The following RIN3 variants were observed in gnomAD, a reference collection of about 807,000 sequenced individuals.
RIN3 encodes RAB5 interacting protein 3.
Under a neutral mutation model 76.3 loss-of-function variants are expected in RIN3, and 54 were observed. The observed-to-expected ratio is 0.71, with a 90% confidence interval of 0.57 to 0.89. The LOEUF is 0.89. RIN3 is among the 40% of genes least tolerant of loss of function. RIN3 has a pLI of 0.00. For synonymous variants in RIN3, 576 were observed against 564.0 expected (o/e 1.02, Z -0.30); for missense variants, 1,256 against 1,322.1 (o/e 0.95, Z 0.78).
At chr14:92,542,985 G>A in intron 1 of RIN3, among the ~76,000 whole-genome samples, 1 of 152,172 alleles carries the variant, frequency 6.6e-6, no homozygotes, top group East Asian at 1.9e-4. Context: ...TTTCTTTGTG[G>A]GGTGATGAAT....
chr14:92,541,768 G>C (rs751961007), intron 1 of RIN3, among the ~76,000 whole-genome samples: 9 of 152,160 alleles, frequency 5.9e-5, no homozygotes, highest in Non-Finnish European at 1.0e-4. Flanking sequence ...AGCAACAAAA[G>C]AAAACCTGGA....
At position 92,656,437 on chromosome 14, in the gene RIN3, C is replaced by T. The variant is rs551528152; in HGVS notation, c.2027-2724C>T. ...GCTGCGGCGGGGCAAGGCCAGTACC[C>T]GGTGGCCTTCAGCAGAGCAAAGGAG... On this transcript the variant is annotated intron_variant, in intron 6 of 9. Coordinates refer to ENST00000216487, the MANE Select transcript of RIN3 (RefSeq NM_024832.5). The surrounding 1 kb of genome is among the most constrained non-coding windows in gnomAD (Gnocchi z 5.2). 1.4e-4 allele frequency among the ~76,000 whole-genome samples: 21 copies of T among 152,254 alleles called. No individual in the cohort carries two copies. The South Asian group carries it at 2.7e-3, about 20-fold the overall frequency.
intron 4 of RIN3, among the ~76,000 whole-genome samples, chr14:92,635,297 G>A (rs1178940680): frequency 6.6e-6 from 1 of 152,208 alleles, no homozygotes; most frequent in Non-Finnish European, 1.5e-5. Context: ...CACAGAGCAG[G>A]AGGGCACCAT....
intron 1 of RIN3, among the ~76,000 whole-genome samples, chr14:92,515,964 C>T (rs61977339): frequency 0.042 from 6,448 of 152,170 alleles, 183 homozygotes; most frequent in East Asian, 0.08. Flanking sequence ...GCTCTGTCTG[C>T]CCAGGGTCCA....
chr14:92,628,737 C>T lies in RIN3; in HGVS notation c.441-12501C>T, dbSNP rs779159774. Among the ~76,000 whole-genome samples the T allele has an allele frequency of 2.1e-4, 32 of 152,064 alleles. 1 individual carries two copies. The highest frequency in any genetic ancestry group is 4.4e-4 in the Non-Finnish European group (30 of 68,016). Reference sequence around the variant, plus strand: ...AAGAAGGTTTAAGTCCTGAAACATGCGAGTTTGCTCTGAGCTGTGCCACAT... The same window carrying T: ...AAGAAGGTTTAAGTCCTGAAACATGTGAGTTTGCTCTGAGCTGTGCCACAT... On this transcript the variant is annotated intron_variant, in intron 4 of 9. Coordinates refer to ENST00000216487, the MANE Select transcript of RIN3 (RefSeq NM_024832.5).
intron 6 of RIN3, among the ~76,000 whole-genome samples, chr14:92,657,868 G>C (rs1045658686): frequency 6.6e-6 from 1 of 152,182 alleles, no homozygotes; most frequent in Non-Finnish European, 1.5e-5. Context: ...GGGAAGGGCT[G>C]TCCGGGCCTC....
chr14:92,579,207 C>A (rs76793332), intron 3 of RIN3, among the ~76,000 whole-genome samples: 1 of 152,172 alleles, frequency 6.6e-6, no homozygotes, highest in African/African-American at 2.4e-5. Context: ...GGATTACAGG[C>A]GTGAGCCACC....
intron 3 of RIN3, among the ~76,000 whole-genome samples, chr14:92,587,130 C>T (rs551818740): frequency 4.6e-5 from 7 of 152,310 alleles, no homozygotes; most frequent in African/African-American, 1.2e-4. Context: ...GTAGTGTTAT[C>T]GGAAGCCACG....
chr14:92,560,236 T>A (rs1897723721), intron 2 of RIN3, among the ~76,000 whole-genome samples: 1 of 152,128 alleles, frequency 6.6e-6, no homozygotes, highest in Admixed American at 6.5e-5. Context: ...ATAGAAGATG[T>A]TGAGACCACA....
chr14:92,561,163 A>ATT (rs772955141), intron 2 of RIN3, among the ~76,000 whole-genome samples: 13,867 of 134,214 alleles, frequency 0.1, 947 homozygotes, highest in Admixed American at 0.18. Flanking sequence ...ATATATTTAT[A>ATT]TATATATATA....
In RIN3 at chr14:92,568,160, G is replaced by A. The variant is rs370308514; in HGVS notation, c.250-9200G>A. Among the ~76,000 whole-genome samples the A allele has an allele frequency of 4.5e-4, 68 of 152,192 alleles. No homozygotes were observed. Among genetic ancestry groups the A allele is most frequent in the Middle Eastern group, 6.8e-3 (2 of 292 alleles). On this transcript the variant is annotated intron_variant, in intron 2 of 9. Transcript: ENST00000216487. This position sits in a 1 kb window ranked among gnomAD's most constrained non-coding sequence, Gnocchi z 4.2. The stretch of plus-strand genomic sequence containing the variant: ...GGGGGCAGAAAGGGAGAAGTAAGGT[G>A]GGCTTTGAGACTTTTCACATGGAAA...
chr14:92,667,152 A>G (rs1888134330), intron 7 of RIN3, among the ~76,000 whole-genome samples: 1 of 152,152 alleles, frequency 6.6e-6, no homozygotes, highest in African/African-American at 2.4e-5. Flanking sequence ...GGGCCTTGTG[A>G]CATTGACGGG....
At chr14:92,616,965 A>C (rs192303739) in intron 4 of RIN3, among the ~76,000 whole-genome samples, 1 of 152,278 alleles carries the variant, frequency 6.6e-6, no homozygotes, top group Admixed American at 6.5e-5. Flanking sequence ...GGCCTAGTGC[A>C]TGAGCTTAGT....
intron 1 of RIN3, among the ~76,000 whole-genome samples, chr14:92,520,243 C>T (rs1033319720): frequency 1.4e-4 from 22 of 152,354 alleles, no homozygotes; most frequent in Middle Eastern, 3.4e-3. Flanking sequence ...GACGTGACGG[C>T]ACACACTCAG....
chr14:92,601,151 A>G (rs183248120), intron 3 of RIN3, among the ~76,000 whole-genome samples: 122 of 152,340 alleles, frequency 8.0e-4, no homozygotes, highest in African/African-American at 2.7e-3. Context: ...TAAAATGACA[A>G]TATTTTGGAT....
intron 1 of RIN3, among the ~76,000 whole-genome samples, chr14:92,518,490 G>C (rs1566823965): frequency 1.3e-5 from 2 of 152,198 alleles, no homozygotes; most frequent in Admixed American, 6.5e-5. Context: ...CGCAGCAGCT[G>C]GTGACCCCCA....
At chr14:92,578,858 A>G (rs965516228) in intron 3 of RIN3, among the ~76,000 whole-genome samples, 10 of 152,188 alleles carry the variant, frequency 6.6e-5, no homozygotes, top group Admixed American at 1.3e-4. Context: ...TACAGGAGCA[A>G]TTGGGGACAT....
chr14:92,649,446 T>C (rs1033878652), intron 5 of RIN3, among the ~76,000 whole-genome samples: 26 of 151,784 alleles, frequency 1.7e-4, no homozygotes, highest in African/African-American at 5.8e-4. Flanking sequence ...CAGGGGCCTG[T>C]GTAGACATGG....
chr14:92,655,494 CCTCT>C (rs1227909563), intron 6 of RIN3, among the ~76,000 whole-genome samples: 1 of 152,244 alleles, frequency 6.6e-6, no homozygotes. Context: ...ACCTTGTGAG[CCTCT>C]CTATCAACCT....
Sources: allele counts gnomAD v4.1 joint callset (sites outside exome capture counted in the v4.1 genomes callset), GRCh38; gene constraint gnomAD v4.1.1; non-coding constraint Gnocchi (gnomAD v3.1); transcripts MANE v1.5; gene names NCBI Gene and HGNC (gene_info 2026-07-23, HGNC 2026-07-21).